Variants in FIG4 observed in about 807,000 individuals in gnomAD.
FIG4 encodes the protein polyphosphoinositide phosphatase.
A neutral mutation model predicts 118.6 loss-of-function variants in FIG4; 112 were observed. The observed-to-expected ratio is 0.94, with a 90% CI of 0.81 to 1.11. The LOEUF (loss-of-function observed/expected upper bound fraction) is 1.11, where lower values mean the gene tolerates loss of function less well. FIG4 is among the 50% of genes least tolerant of loss of function. FIG4 has a pLI of 0.00. For missense variants in FIG4, 969 were observed against 1,111.7 expected (o/e 0.87, Z 1.83); for synonymous variants, 369 against 381.2 (o/e 0.97, Z 0.37).
At chr6:109,727,687 A>T (rs952916061) in intron 4 of FIG4, among the ~76,000 whole-genome samples, 14 of 152,230 alleles carry the variant, frequency 9.2e-5, no homozygotes, top group Admixed American at 1.3e-4. Flanking sequence ...TCTTATCCAA[A>T]TAATCAAACT....
chr6:109,786,911 C>G (rs560855383), intron 18 of FIG4, among the ~76,000 whole-genome samples: 1 of 152,014 alleles, frequency 6.6e-6, no homozygotes, highest in African/African-American at 2.4e-5. Flanking sequence ...CTCTCTCCCC[C>G]ACACACACAC....
intron 1 of FIG4, among the ~76,000 whole-genome samples, chr6:109,707,398 C>A (rs995623461): frequency 6.8e-6 from 1 of 146,854 alleles, no homozygotes; most frequent in East Asian, 2.0e-4. Flanking sequence ...CATATGTATA[C>A]ATACATATAC....
intron 22 of FIG4, among the ~76,000 whole-genome samples, chr6:109,813,051 C>T (rs116513172): frequency 0.011 from 1,618 of 152,276 alleles, 30 homozygotes; most frequent in African/African-American, 0.037. Flanking sequence ...CCAATATTTA[C>T]ACTTTTTACC....
intron 15 of FIG4, among the ~76,000 whole-genome samples, chr6:109,772,069 A>T (rs1189267180): frequency 1.3e-5 from 2 of 152,152 alleles, no homozygotes; most frequent in East Asian, 3.9e-4. Flanking sequence ...CTGCCATGAC[A>T]CCGAAACTGT....
chr6:109,701,599 C>T (rs1774910038), intron 1 of FIG4: 5 of 429,382 alleles, frequency 1.2e-5, no homozygotes, highest in Admixed American at 8.1e-5. Flanking sequence ...ATAATTTTTA[C>T]TCTTACTTGT....
chr6:109,775,078 A>G (rs1777580579), intron 15 of FIG4, among the ~76,000 whole-genome samples: 1 of 152,184 alleles, frequency 6.6e-6, no homozygotes, highest in South Asian at 2.1e-4. Flanking sequence ...TATTTGGTGC[A>G]TATTCTTTCT....
Position 109,743,212 on chromosome 6 carries a change from T to A in FIG4, c.979T>A (p.Ser327Thr). The A allele has an allele frequency of 1.9e-6, 3 of 1,612,986 alleles. No homozygotes were observed. Among genetic ancestry groups the A allele is most frequent in the Non-Finnish European group, 2.5e-6 (3 of 1,179,216 alleles). Residue 327 changes from serine to threonine, a missense_variant, in exon 9 of 23, where the codon TCT (serine) becomes ACT (threonine). By Grantham distance (58) the Ser-to-Thr change is moderately conservative (BLOSUM62 1). This residue lies in a region of FIG4 where 393 missense variants were observed against 409.4 expected (regional missense o/e 0.96). Coordinates refer to ENST00000230124, the MANE Select transcript of FIG4 (RefSeq NM_014845.6). ...SYSSYVQVRG[S>T]VPLYWSQDIS... Reference sequence around the variant, plus strand: ...TTCTTCATATGTACAAGTTAGAGGATCTGTGCCCTTATACTGGTCTCAGGA... The same window carrying A: ...TTCTTCATATGTACAAGTTAGAGGAACTGTGCCCTTATACTGGTCTCAGGA...
At position 109,825,334 on chromosome 6, in the gene FIG4, G is replaced by C; in HGVS notation, c.*69G>C. The C allele has an allele frequency of 1.4e-6, 2 of 1,461,568 alleles. No individual in the cohort carries two copies. Among genetic ancestry groups the C allele is most frequent in the South Asian group, 2.3e-5 (2 of 87,222 alleles). 90.5% of individuals were successfully genotyped at this position (1,461,568 alleles called of 1,614,324 possible). A position where few individuals can be genotyped will look rare whatever the true frequency, so the allele number is the denominator to read the frequency against. ...AACCTGTCTTGTCTCATCTTCAAAA[G>C]GTAACTTATTAAAAGTCCTTTGCGT... On this transcript the variant is annotated 3_prime_UTR_variant, in exon 23 of 23. Coordinates refer to ENST00000230124, the MANE Select transcript of FIG4 (RefSeq NM_014845.6).
At chr6:109,794,433 G>A (rs1304067939) in intron 21 of FIG4, among the ~76,000 whole-genome samples, 1 of 152,132 alleles carries the variant, frequency 6.6e-6, no homozygotes, top group Admixed American at 6.5e-5. Flanking sequence ...TTCTTTCCCT[G>A]TGAGTACCCC....
At chr6:109,817,067 G>C (rs1035571669) in intron 22 of FIG4, among the ~76,000 whole-genome samples, 5 of 152,222 alleles carry the variant, frequency 3.3e-5, no homozygotes, top group Admixed American at 3.3e-4. Context: ...GAAGCATCTG[G>C]CCCTGCATCC....
intron 22 of FIG4, among the ~76,000 whole-genome samples, chr6:109,808,350 CAAAAAAA>C (rs55948419): frequency 1.9e-3 from 128 of 67,048 alleles, no homozygotes; most frequent in African/African-American, 6.4e-3. Flanking sequence ...ACACTCACAG[CAAAAAAA>C]AAAAAAAAAA....
chr6:109,693,080 G>C (rs1774587722), intron 1 of FIG4, among the ~76,000 whole-genome samples: 1 of 152,158 alleles, frequency 6.6e-6, no homozygotes, highest in Non-Finnish European at 1.5e-5. Flanking sequence ...ATATTATAGG[G>C]CTCTTCTGCT....
intron 16 of FIG4, among the ~76,000 whole-genome samples, chr6:109,778,802 T>C (rs1169287927): frequency 6.6e-6 from 1 of 152,076 alleles, no homozygotes; most frequent in Admixed American, 6.5e-5. Context: ...GGTTTCACTG[T>C]GTTAGCTAGG....
intron 14 of FIG4, among the ~76,000 whole-genome samples, chr6:109,766,044 C>T (rs1583703016): frequency 6.6e-6 from 1 of 152,134 alleles, no homozygotes; most frequent in Non-Finnish European, 1.5e-5. Context: ...ACGTTGAAAC[C>T]CTAACCCCCA....
intron 18 of FIG4, among the ~76,000 whole-genome samples, chr6:109,789,262 A>G (rs911292638): frequency 6.6e-6 from 1 of 152,236 alleles, no homozygotes; most frequent in African/African-American, 2.4e-5. Context: ...ATAGTAGATG[A>G]TACTTAAATT....
At chr6:109,716,058 G>T (rs533949513) in intron 2 of FIG4, among the ~76,000 whole-genome samples, 1 of 152,080 alleles carries the variant, frequency 6.6e-6, no homozygotes, top group East Asian at 1.9e-4. Context: ...CGGAGCAATT[G>T]GTCAGAGAGC....
chr6:109,824,608 A>T (rs140369046), intron 22 of FIG4, among the ~76,000 whole-genome samples: 181 of 152,332 alleles, frequency 1.2e-3, no homozygotes, highest in Non-Finnish European at 2.1e-3. Context: ...CACTTTATAC[A>T]TGTAAATATG....
chr6:109,792,736 C>CTT (rs34998755), intron 21 of FIG4, 72 bp downstream of exon 21: 741 of 429,484 alleles, frequency 1.7e-3, no homozygotes, highest in East Asian at 5.5e-3. Flanking sequence ...ACTACTATAC[C>CTT]TTTTTTTTTT....
At chr6:109,760,448 G>T (rs1163132582) in intron 11 of FIG4, 65 bp downstream of exon 11, 4 of 1,405,782 alleles carry the variant, frequency 2.8e-6, no homozygotes, top group Non-Finnish European at 4.0e-6. Flanking sequence ...ATAACAGGAA[G>T]CTGACCTCTG....
Sources: allele counts gnomAD v4.1 joint callset (sites outside exome capture counted in the v4.1 genomes callset), GRCh38; gene constraint gnomAD v4.1.1; regional missense constraint gnomAD v4.1.1; transcripts MANE v1.5; gene names NCBI Gene and HGNC (gene_info 2026-07-23, HGNC 2026-07-21).